The following MDFIC2 variants were observed in gnomAD, a reference collection of about 807,000 sequenced individuals.
MDFIC2 encodes the protein MyoD family inhibitor domain containing 2, also known as myoD family inhibitor domain-containing protein 2.
At chr3:70,227,966 A>G (rs1030515334) in intron 2 of MDFIC2, among the ~76,000 whole-genome samples, 7 of 151,804 alleles carry the variant, frequency 4.6e-5, no homozygotes, top group Admixed American at 1.3e-4. Flanking sequence ...TATAACATTC[A>G]TAGTAAGTAT....
At chr3:70,245,161 CTATT>C (rs1701694784) in intron 2 of MDFIC2, among the ~76,000 whole-genome samples, 1 of 152,070 alleles carries the variant, frequency 6.6e-6, no homozygotes, top group Admixed American at 6.6e-5. Flanking sequence ...AATACATTAA[CTATT>C]TAGGGTGCTT....
chr3:70,223,501 T>A (rs1194526108), intron 2 of MDFIC2, among the ~76,000 whole-genome samples: 3 of 152,164 alleles, frequency 2.0e-5, no homozygotes, highest in African/African-American at 7.2e-5. Context: ...GTTACTCTTG[T>A]AGATTTCAAG....
intron 2 of MDFIC2, among the ~76,000 whole-genome samples, chr3:70,273,546 C>T (rs969505556): frequency 6.6e-6 from 1 of 151,954 alleles, no homozygotes; most frequent in Non-Finnish European, 1.5e-5. Context: ...AAAGGTCAAG[C>T]CTAGTGAAAC....
chr3:70,223,818 A>C (rs1400555635), intron 2 of MDFIC2, among the ~76,000 whole-genome samples: 2 of 152,138 alleles, frequency 1.3e-5, no homozygotes, highest in Non-Finnish European at 2.9e-5. Context: ...GGTTTTTCTC[A>C]GAGGTGAATT....
At chr3:70,260,961 A>G (rs2106661314) in intron 2 of MDFIC2, among the ~76,000 whole-genome samples, 1 of 152,282 alleles carries the variant, frequency 6.6e-6, no homozygotes, top group African/African-American at 2.4e-5. Context: ...GATTTTCTCA[A>G]GTTTATAATA....
At chr3:70,201,772 C>G (rs1247732668) in intron 3 of MDFIC2, among the ~76,000 whole-genome samples, 6 of 152,170 alleles carry the variant, frequency 3.9e-5, no homozygotes, top group African/African-American at 4.8e-5. Context: ...GGCCTGCTTC[C>G]CTCTCCATTC....
At chr3:70,212,360 C>T (rs1338228415) in intron 2 of MDFIC2, among the ~76,000 whole-genome samples, 1 of 152,130 alleles carries the variant, frequency 6.6e-6, no homozygotes, top group Non-Finnish European at 1.5e-5. Context: ...ATTCTTCTCC[C>T]CAAACTGGAA....
intron 2 of MDFIC2, among the ~76,000 whole-genome samples, chr3:70,256,904 C>A (rs1461798514): frequency 1.3e-5 from 2 of 152,180 alleles, no homozygotes; most frequent in East Asian, 3.9e-4. Context: ...GATTTCAGCA[C>A]ATGTTCTCAC....
chr3:70,299,270 T>G lies in MDFIC2; in HGVS notation c.88+12616A>C, dbSNP rs556920897. Among the ~76,000 whole-genome samples the G allele has an allele frequency of 4.6e-5, 7 of 152,194 alleles. No individual in the cohort carries two copies. The South Asian group carries it at 1.5e-3, about 32-fold the overall frequency. On this transcript the variant is annotated intron_variant, in intron 2 of 3. Coordinates refer to ENST00000567252, the MANE Select transcript of MDFIC2 (RefSeq NM_001364677.1). Reference sequence around the variant, plus strand: ...CATTTATTCGTGAATCATCAAAACATGCTATTAAAATATTGCATAATCATA... The same window carrying G: ...CATTTATTCGTGAATCATCAAAACAGGCTATTAAAATATTGCATAATCATA...
intron 2 of MDFIC2, among the ~76,000 whole-genome samples, chr3:70,256,208 T>C (rs901887254): frequency 3.9e-5 from 6 of 152,180 alleles, no homozygotes; most frequent in African/African-American, 1.4e-4. Flanking sequence ...AAAACTTTAG[T>C]TGTAAAGTTT....
chr3:70,285,804 T>G lies in MDFIC2; in HGVS notation c.88+26082A>C, dbSNP rs1393938691. ...GGTTTTGATTTGCATTTCTCTGATG[T>G]CCAGTGATGAGGAGCATTTAATCAT... On this transcript the variant is annotated intron_variant, in intron 2 of 3. Coordinates refer to ENST00000567252, the MANE Select transcript of MDFIC2 (RefSeq NM_001364677.1). Among the ~76,000 whole-genome samples the G allele has an allele frequency of 4.1e-3, 584 of 142,930 alleles. 1 individual carries two copies. The highest frequency in any genetic ancestry group is 0.012 in the South Asian group (50 of 4,272). 93.8% of individuals were successfully genotyped at this position (142,930 alleles called of 152,430 possible). A position where few individuals can be genotyped will look rare whatever the true frequency, so the allele number is the denominator to read the frequency against.
intron 2 of MDFIC2, among the ~76,000 whole-genome samples, chr3:70,238,500 C>T (rs557425598): frequency 7.2e-5 from 11 of 151,902 alleles, no homozygotes; most frequent in Admixed American, 2.0e-4. Context: ...GTGGTCTCAG[C>T]TACTTGGAAA....
chr3:70,247,657 C>T (rs1424500827), intron 2 of MDFIC2, among the ~76,000 whole-genome samples: 1 of 151,780 alleles, frequency 6.6e-6, no homozygotes, highest in African/African-American at 2.4e-5. Context: ...CACAAGGTAA[C>T]TATTTTTATC....
intron 2 of MDFIC2, among the ~76,000 whole-genome samples, chr3:70,278,184 A>G (rs1266742832): frequency 1.3e-5 from 2 of 152,120 alleles, no homozygotes; most frequent in African/African-American, 4.8e-5. Flanking sequence ...CTCATAGTGT[A>G]TATTCTTTTA....
chr3:70,279,983 A>G (rs1227599794), intron 2 of MDFIC2, among the ~76,000 whole-genome samples: 1 of 152,148 alleles, frequency 6.6e-6, no homozygotes, highest in Non-Finnish European at 1.5e-5. Flanking sequence ...AACAAAGTAC[A>G]ACCTTGGTGG....
chr3:70,244,252 G>A (rs554614464), intron 2 of MDFIC2, among the ~76,000 whole-genome samples: 9 of 152,214 alleles, frequency 5.9e-5, no homozygotes, highest in Admixed American at 1.3e-4. Context: ...AATGTTTACC[G>A]TGATGAGTAT....
chr3:70,256,584 C>T (rs1159036167), intron 2 of MDFIC2, among the ~76,000 whole-genome samples: 2 of 152,126 alleles, frequency 1.3e-5, no homozygotes, highest in African/African-American at 4.8e-5. Flanking sequence ...TGCTATGCCA[C>T]TTGCTGCTCC....
At chr3:70,253,898 A>G (rs1171361302) in intron 2 of MDFIC2, among the ~76,000 whole-genome samples, 2 of 152,194 alleles carry the variant, frequency 1.3e-5, no homozygotes. Context: ...TTTTAAACAT[A>G]CTAAAAATGT....
chr3:70,290,710 A>C (rs1042861038), intron 2 of MDFIC2, among the ~76,000 whole-genome samples: 6 of 151,950 alleles, frequency 3.9e-5, no homozygotes, highest in Non-Finnish European at 8.8e-5. Context: ...GCAATCAGTG[A>C]GACTCCGTGG....
Sources: gnomAD v4.1 joint callset for allele counts (sites outside exome capture counted in the v4.1 genomes callset) on GRCh38, gnomAD v4.1.1 for gene constraint, MANE v1.5 for transcripts, NCBI Gene and HGNC (gene_info 2026-07-23, HGNC 2026-07-21) for gene names.